The following USP30 variants were observed in gnomAD, a reference collection of about 807,000 sequenced individuals.
USP30 encodes the protein ubiquitin carboxyl-terminal hydrolase 30.
USP30 carries 41 observed loss-of-function variants against 68.2 expected under a neutral mutation model. The observed-to-expected ratio is 0.60, with a 90% CI of 0.47 to 0.78. USP30 has a LOEUF of 0.78. Among genes scored for constraint, USP30 ranks in the 30% least tolerant of loss-of-function variants. The pLI is 0.00. For missense variants in USP30, 522 were observed against 649.4 expected (o/e 0.80, Z 2.13); for synonymous variants, 229 against 253.7 (o/e 0.90, Z 0.93).
At chr12:109,055,978 G>C (rs1301841445) in intron 1 of USP30, among the ~76,000 whole-genome samples, 1 of 152,116 alleles carries the variant, frequency 6.6e-6, no homozygotes, top group African/African-American at 2.4e-5. Context: ...GCGAAGGGAG[G>C]TAAAGGAGTG....
chr12:109,076,148 T>G (rs968560781), intron 7 of USP30, among the ~76,000 whole-genome samples: 2 of 152,196 alleles, frequency 1.3e-5, no homozygotes, highest in African/African-American at 4.8e-5. Flanking sequence ...ATTCATCTCT[T>G]TTTTCCGTGC....
chr12:109,048,739 C>CAAAAA (rs60197959), upstream of USP30, among the ~76,000 whole-genome samples: 17,715 of 86,576 alleles, frequency 0.2, 1,354 homozygotes, highest in Middle Eastern at 0.31. Flanking sequence ...GACTCTGTCT[C>CAAAAA]AAAAAAAAAA....
At chr12:109,058,206 A>ACAAT in intron 3 of USP30, 98 bp downstream of exon 3, 1 of 1,260,072 alleles carries the variant, frequency 7.9e-7, no homozygotes. Context: ...TATTGTAGGA[A>ACAAT]AAGATCATAC....
chr12:109,055,810 T>A (rs1593241736), intron 1 of USP30, among the ~76,000 whole-genome samples: 1 of 134,926 alleles, frequency 7.4e-6, no homozygotes, highest in Admixed American at 7.5e-5. Context: ...ACAAACCCAG[T>A]GCATTAAAAA....
In USP30 at chr12:109,041,398, A is replaced by G. The variant is rs1037598646; in HGVS notation, c.-135-6192A>G. On this transcript the variant is annotated intron_variant, in intron 3 of 15. Transcript: ENST00000392784. Reference sequence around the variant, plus strand: ...ACTCATGTAATCCCAGCACTTTGGGAGGCTGAGGCAGGTGGATCACGAGCT... The same window carrying G: ...ACTCATGTAATCCCAGCACTTTGGGGGGCTGAGGCAGGTGGATCACGAGCT... Among the ~76,000 whole-genome samples the G allele has an allele frequency of 6.6e-5, 10 of 152,284 alleles. No individual in the cohort carries two copies. The South Asian group carries it at 2.1e-3, about 32-fold the overall frequency.
At chr12:109,044,667 A>G (rs2040588627) in intron 3 of USP30, among the ~76,000 whole-genome samples, 1 of 152,148 alleles carries the variant, frequency 6.6e-6, no homozygotes, top group East Asian at 1.9e-4. Context: ...AGAATGATTA[A>G]GATGACAAAT....
intron 3 of USP30, among the ~76,000 whole-genome samples, chr12:109,061,811 A>G (rs1269584457): frequency 1.3e-5 from 2 of 152,288 alleles, no homozygotes; most frequent in African/African-American, 2.4e-5. Flanking sequence ...ATCAATACTC[A>G]ACCCTGCTCC....
chr12:109,081,225 A>G (rs1042274372), intron 7 of USP30, 109 bp from the exon 8 acceptor site: 1 of 966,562 alleles, frequency 1.0e-6, no homozygotes, highest in African/African-American at 1.6e-5. Flanking sequence ...TTACTGTGTT[A>G]ATGTTGGGCA....
At chr12:109,032,885 G>A (rs1461914505) in intron 3 of USP30, among the ~76,000 whole-genome samples, 1 of 152,150 alleles carries the variant, frequency 6.6e-6, no homozygotes, top group East Asian at 1.9e-4. Flanking sequence ...CCAGAGCAAT[G>A]CATCATGATT....
At chr12:109,065,027 A>G (rs2041204491) in intron 3 of USP30, among the ~76,000 whole-genome samples, 1 of 152,218 alleles carries the variant, frequency 6.6e-6, no homozygotes, top group African/African-American at 2.4e-5. Context: ...TATTTTTTTA[A>G]GTGAAAGCAA....
chr12:109,059,617 G>A (rs576100716), intron 3 of USP30, among the ~76,000 whole-genome samples: 1 of 152,280 alleles, frequency 6.6e-6, no homozygotes, highest in South Asian at 2.1e-4. Context: ...GGGTTCAAGC[G>A]ATTCTTCTGC....
Position 109,052,644 on chromosome 12 carries a change from G to C in USP30, c.-35G>C. The C allele has an allele frequency of 2.0e-6, 3 of 1,466,278 alleles. No individual in the cohort carries two copies. In the East Asian group the frequency reaches 8.6e-5, roughly 42 times the overall value. 90.8% of individuals were successfully genotyped at this position (1,466,278 alleles called of 1,614,324 possible). ...GTCCGGCGGCGGCGGCGGCGGTAGC[G>C]GAGGAGACGGTTTCAGGCCTCCGGT... On this transcript the variant is annotated 5_prime_UTR_variant, in exon 1 of 13. Transcript: ENST00000257548.
intron 3 of USP30, among the ~76,000 whole-genome samples, chr12:109,059,483 A>C (rs2040988864): frequency 6.6e-6 from 1 of 152,128 alleles, no homozygotes; most frequent in Admixed American, 6.6e-5. Flanking sequence ...GGCATGAGCC[A>C]CTACGCCTGG....
chr12:109,082,894 G>T lies in USP30; in HGVS notation c.1000G>T (p.Gly334Cys), dbSNP rs375145793. Residue 334 changes from glycine (G) to cysteine (C), a missense_variant, in exon 11 of 13, where the codon GGC (glycine) becomes TGC (cysteine). Gly to Cys is a radical substitution (Grantham distance 159). Coordinates refer to ENST00000257548, the MANE Select transcript of USP30 (RefSeq NM_032663.5). Reference protein sequence around the residue: ...HLQRLSWSSHGTPLKRHEHVQ... With the variant: ...HLQRLSWSSHCTPLKRHEHVQ... ...ACAGCGGCTGAGCTGGTCCAGCCAC[G>T]GCACGCCTCTGAAGCGGCATGAGCA... 1.1e-5 allele frequency: 18 copies of T among 1,614,036 alleles called. No individual in the cohort carries two copies. Among genetic ancestry groups the T allele is most frequent in the Non-Finnish European group, 1.4e-5 (17 of 1,180,026 alleles).
chr12:109,035,677 A>G (rs1042687151), intron 3 of USP30, among the ~76,000 whole-genome samples: 2 of 152,198 alleles, frequency 1.3e-5, no homozygotes, highest in African/African-American at 4.8e-5. Flanking sequence ...TTTGATTTAT[A>G]ACAATCTAGT....
Position 109,087,239 on chromosome 12 carries a change from C to T in USP30, c.*1308C>T, listed in dbSNP as rs1225217864. The T allele has an allele frequency of 1.3e-5, 2 of 151,994 alleles. No individual in the cohort carries two copies. Among genetic ancestry groups the T allele is most frequent in the Non-Finnish European group, 2.9e-5 (2 of 68,020 alleles). 9.4% of individuals were successfully genotyped at this position (151,994 alleles called of 1,614,324 possible). A position where few individuals can be genotyped will look rare whatever the true frequency, so the allele number is the denominator to read the frequency against. On this transcript the variant is annotated 3_prime_UTR_variant, in exon 13 of 13. Transcript: ENST00000257548. Reference sequence around the variant, plus strand: ...AGAAAAATGGATACCAAATTCAAACCGACTCATCAGAGGTAAGATTTGGAA... The same window carrying T: ...AGAAAAATGGATACCAAATTCAAACTGACTCATCAGAGGTAAGATTTGGAA...
chr12:109,040,415 G>T (rs1029991855), intron 3 of USP30, among the ~76,000 whole-genome samples: 2 of 152,198 alleles, frequency 1.3e-5, no homozygotes, highest in African/African-American at 4.8e-5. Flanking sequence ...GAGGAACATT[G>T]CTCCTGCTAT....
At position 109,052,638 on chromosome 12, in the gene USP30, G is replaced by GGCGGCC; in HGVS notation, c.-40_-39insCGGCCG. ...CCCTCGGTCCGGCGGCGGCGGCGGC[G>GGCGGCC]GTAGCGGAGGAGACGGTTTCAGGCC... On this transcript the variant is annotated 5_prime_UTR_variant, in exon 1 of 13. Coordinates refer to ENST00000257548, the MANE Select transcript of USP30 (RefSeq NM_032663.5). The GGCGGCC allele has an allele frequency of 6.9e-7, 1 of 1,458,928 alleles. No homozygotes were observed. Among genetic ancestry groups the GGCGGCC allele is most frequent in the Admixed American group, 2.6e-5 (1 of 38,144 alleles). The allele number at this position is 1,458,928 out of a possible 1,614,324, so 90.4% of individuals were successfully genotyped here.
chr12:109,043,052 A>G lies in USP30; in HGVS notation c.-135-4538A>G, dbSNP rs373346653. 1.7e-4 allele frequency among the ~76,000 whole-genome samples: 26 copies of G among 152,314 alleles called. No homozygotes were observed. In the East Asian group the frequency reaches 1.9e-3, roughly 11 times the overall value. On this transcript the variant is annotated intron_variant, in intron 3 of 15. Coordinates refer to the USP30 transcript ENST00000392784. ...ACTTAGGAATTAACCAAGGAAGTGAAAGACTTTTACAATGAAAATCACAAA... is the reference window on the plus strand; with the variant it reads ...ACTTAGGAATTAACCAAGGAAGTGAGAGACTTTTACAATGAAAATCACAAA...
Sources: allele counts gnomAD v4.1 joint callset (sites outside exome capture counted in the v4.1 genomes callset), GRCh38; gene constraint gnomAD v4.1.1; transcripts MANE v1.5; gene names NCBI Gene and HGNC (gene_info 2026-07-23, HGNC 2026-07-21).